KCNC2: variants seen among roughly 807,000 people sequenced by gnomAD.
KCNC2 encodes potassium voltage-gated channel subfamily C member 2, also known as voltage-gated potassium channel KCNC2.
In KCNC2, 21 loss-of-function variants were observed where a neutral mutation model predicts 44.5. The observed-to-expected ratio is 0.47, with a 90% CI of 0.33 to 0.68. KCNC2 has a LOEUF of 0.68. Ranked by LOEUF, KCNC2 falls within the 30% of genes least tolerant of loss-of-function variation. KCNC2 has a pLI of 0.01. For missense variants in KCNC2, 589 were observed against 826.2 expected (o/e 0.71, Z 3.52); for synonymous variants, 391 against 339.1 (o/e 1.15, Z -1.68).
intron 4 of KCNC2, among the ~76,000 whole-genome samples, chr12:75,045,626 A>T (rs1237803697): frequency 6.6e-6 from 1 of 151,958 alleles, no homozygotes; most frequent in Non-Finnish European, 1.5e-5. Context: ...TTCTAGATAT[A>T]CAGCATTCAT....
chr12:75,147,182 G>A (rs1890082789), intron 2 of KCNC2, among the ~76,000 whole-genome samples: 1 of 151,896 alleles, frequency 6.6e-6, no homozygotes, highest in African/African-American at 2.4e-5. Flanking sequence ...GTTGACAATA[G>A]CAATAAAAAC....
At chr12:75,164,097 T>C (rs180702461) in intron 2 of KCNC2, among the ~76,000 whole-genome samples, 104 of 151,850 alleles carry the variant, frequency 6.8e-4, no homozygotes, top group African/African-American at 2.5e-3. Context: ...TTAAGCTCCC[T>C]GTTCCATGAC....
intron 2 of KCNC2, among the ~76,000 whole-genome samples, chr12:75,098,428 C>T (rs556802616): frequency 1.2e-4 from 19 of 152,246 alleles, no homozygotes; most frequent in African/African-American, 4.6e-4. Flanking sequence ...AATCCCTTTT[C>T]TCCGTGGAAT....
intron 2 of KCNC2, among the ~76,000 whole-genome samples, chr12:75,084,858 G>A: frequency 6.6e-6 from 1 of 151,434 alleles, no homozygotes; most frequent in East Asian, 1.9e-4. Context: ...AGTTAATGGA[G>A]CTTTTCAAAT....
At chr12:75,174,496 C>T (rs191733116) in intron 2 of KCNC2, among the ~76,000 whole-genome samples, 37 of 151,932 alleles carry the variant, frequency 2.4e-4, no homozygotes, top group African/African-American at 8.4e-4. Context: ...CTCTCTTCAC[C>T]TATGAGAGAG....
rs894478433 is a variant in KCNC2, at chr12:75,209,198, T to G, written c.-20+9A>C. 29 of 152,658 alleles carry G rather than the reference T, an allele frequency of 1.9e-4. No individual in the cohort carries two copies. Among genetic ancestry groups the G allele is most frequent in the African/African-American group, 7.0e-4 (29 of 41,554 alleles). 9.5% of individuals were successfully genotyped at this position (152,658 alleles called of 1,614,324 possible). On this transcript the variant is annotated intron_variant, in intron 1 of 4. Transcript: ENST00000549446. ...CCCTTTCACCACCCCCGCCCCCATT[T>G]CCAGATACCTTAACGAGACCGAGAG...
chr12:75,045,662 C>A (rs890450211), intron 4 of KCNC2, among the ~76,000 whole-genome samples: 4 of 151,872 alleles, frequency 2.6e-5, no homozygotes, highest in Non-Finnish European at 5.9e-5. Flanking sequence ...AGAGCATGAG[C>A]TTATTTGTGG....
chr12:75,051,196 A>G lies in KCNC2; in HGVS notation c.809T>C (p.Val270Ala), dbSNP rs754868625. 29 of 1,613,478 alleles carry G rather than the reference A, an allele frequency of 1.8e-5. No homozygotes were observed. In the East Asian group the frequency reaches 6.5e-4, roughly 36 times the overall value. The change falls in exon 3 of 5, where the codon GTT becomes GCT. Residue 270 changes from valine (V) to alanine (A), a missense_variant. This residue lies in a region of KCNC2 where 40 missense variants were observed against 40.6 expected (regional missense o/e 0.99). Coordinates refer to ENST00000549446, the MANE Select transcript of KCNC2 (RefSeq NM_139137.4). ...CGTTTCAATTTCATACTGTAGAACA[A>G]CACTTGTGCCATTGATGACTGGTTC... ...KTEPVINGTS[V>A]VLQYEIETDP...
At chr12:75,194,402 T>C (rs2030576086) in intron 2 of KCNC2, among the ~76,000 whole-genome samples, 1 of 151,904 alleles carries the variant, frequency 6.6e-6, no homozygotes, top group African/African-American at 2.4e-5. Context: ...TAGCACTGAG[T>C]CATGAAACAG....
At chr12:75,190,976 T>C (rs2030148594) in intron 2 of KCNC2, among the ~76,000 whole-genome samples, 1 of 152,098 alleles carries the variant, frequency 6.6e-6, no homozygotes, top group Non-Finnish European at 1.5e-5. Context: ...AAATAATATT[T>C]CAATCAATAA....
chr12:75,066,136 T>C (rs1315575560), intron 2 of KCNC2, among the ~76,000 whole-genome samples: 1 of 152,264 alleles, frequency 6.6e-6, no homozygotes, highest in East Asian at 1.9e-4. Flanking sequence ...TTCTTTATCA[T>C]TTTCTGATTA....
At chr12:75,058,974 C>T (rs2136979120) in intron 2 of KCNC2, among the ~76,000 whole-genome samples, 1 of 152,096 alleles carries the variant, frequency 6.6e-6, no homozygotes, top group African/African-American at 2.4e-5. Flanking sequence ...CCCCTCCAAT[C>T]CTATCTGGTA....
intron 2 of KCNC2, among the ~76,000 whole-genome samples, chr12:75,144,174 C>T (rs567647335): frequency 3.9e-5 from 6 of 152,156 alleles, no homozygotes; most frequent in Non-Finnish European, 7.3e-5. Context: ...ACCATCATTA[C>T]TTTTTAAATT....
At chr12:75,162,575 CT>C (rs1891188988) in intron 2 of KCNC2, among the ~76,000 whole-genome samples, 1 of 151,734 alleles carries the variant, frequency 6.6e-6, no homozygotes, top group African/African-American at 2.4e-5. Flanking sequence ...TCATGACATC[CT>C]TTTGCCCTGA....
Position 75,191,527 on chromosome 12 carries a change from A to ATTT in KCNC2, c.687+15767_687+15769dup, listed in dbSNP as rs1555174221. On this transcript the variant is annotated intron_variant, in intron 2 of 4. Transcript: ENST00000549446. The stretch of plus-strand genomic sequence containing the variant: ...TATTATTATTATTATTATTATTATT[A>ATTT]TTTTTTTTTTTTTTTTTTTTTTTTT... Among the ~76,000 whole-genome samples the ATTT allele has an allele frequency of 2.4e-3, 79 of 33,296 alleles. 8 individuals carry two copies. The highest frequency in any genetic ancestry group is 4.6e-3 in the South Asian group (3 of 646). The allele number at this position is 33,296 out of a possible 152,430, so 21.8% of individuals were successfully genotyped here.
intron 4 of KCNC2, chr12:75,043,896 T>C (rs1213548360): frequency 6.1e-6 from 5 of 823,032 alleles, no homozygotes; most frequent in Non-Finnish European, 9.0e-6. Flanking sequence ...TAAGTTTGAA[T>C]TTGATTACAT....
intron 2 of KCNC2, among the ~76,000 whole-genome samples, chr12:75,119,594 A>G (rs886428677): frequency 7.2e-5 from 11 of 152,212 alleles, no homozygotes; most frequent in African/African-American, 2.7e-4. Context: ...AGGTCATGTT[A>G]CTTCTATCAT....
chr12:75,048,077 A>G (rs1880731861), intron 4 of KCNC2, 76 bp downstream of exon 4: 1 of 1,311,828 alleles, frequency 7.6e-7, no homozygotes, highest in Non-Finnish European at 1.1e-6. Context: ...ATGAATGAGC[A>G]TTTTACATTA....
chr12:75,151,039 A>G (rs1400692826), intron 2 of KCNC2, among the ~76,000 whole-genome samples: 1 of 151,934 alleles, frequency 6.6e-6, no homozygotes, highest in African/African-American at 2.4e-5. Context: ...AATGATTTTT[A>G]TCTTAACAGT....
Sources: allele counts gnomAD v4.1 joint callset (sites outside exome capture counted in the v4.1 genomes callset), GRCh38; gene constraint gnomAD v4.1.1; regional missense constraint gnomAD v4.1.1; transcripts MANE v1.5; gene names NCBI Gene and HGNC (gene_info 2026-07-23, HGNC 2026-07-21).